RBPJ: variants seen among roughly 807,000 people sequenced by gnomAD.
RBPJ encodes recombination signal binding protein for immunoglobulin kappa J region.
Under a neutral mutation model 67.8 loss-of-function variants are expected in RBPJ, and 9 were observed. That is an observed-to-expected ratio of 0.13 (90% confidence interval 0.08 to 0.23). RBPJ has a LOEUF of 0.23. Among genes scored for constraint, RBPJ ranks in the 10% least tolerant of loss-of-function variants. The pLI, the probability that RBPJ is intolerant of heterozygous loss-of-function variation, is 1.00. For missense variants in RBPJ, 305 were observed against 595.6 expected (o/e 0.51, Z 5.08); for synonymous variants, 198 against 203.3 (o/e 0.97, Z 0.22).
chr4:26,296,474 A>G lies in RBPJ; in HGVS notation c.-166-65972A>G, dbSNP rs143042093. 3.3e-4 allele frequency among the ~76,000 whole-genome samples: 50 copies of G among 152,338 alleles called. No homozygotes were observed. The East Asian group carries it at 9.6e-3, about 29-fold the overall frequency. ...AGGTTCAATGTCAATCAAATGGTTTAGCAAAGAAGGACAATACTTAGGGCA... is the reference window on the plus strand; with the variant it reads ...AGGTTCAATGTCAATCAAATGGTTTGGCAAAGAAGGACAATACTTAGGGCA... On this transcript the variant is annotated intron_variant, in intron 1 of 4. Transcript: ENST00000512351.
chr4:26,183,840 T>A (rs10028193), intron 1 of RBPJ, among the ~76,000 whole-genome samples: 3 of 151,810 alleles, frequency 2.0e-5, no homozygotes, highest in Admixed American at 6.6e-5. Flanking sequence ...GTGAAATCCC[T>A]TTTCTACTAA....
At chr4:26,132,618 C>A in the RBPJ span, among the ~76,000 whole-genome samples, 2 of 152,170 alleles carry the variant, frequency 1.3e-5, no homozygotes, top group Non-Finnish European at 1.5e-5. Flanking sequence ...GACTCATATA[C>A]CCTTTTCTTC....
intron 3 of RBPJ, among the ~76,000 whole-genome samples, chr4:26,409,847 C>A (rs975178503): frequency 2.6e-5 from 4 of 152,030 alleles, no homozygotes; most frequent in African/African-American, 9.7e-5. Context: ...TGGTCTAAAA[C>A]CCCAGTCAAA....
upstream of RBPJ, among the ~76,000 whole-genome samples, chr4:26,320,398 G>A (rs748593403): frequency 6.6e-6 from 1 of 152,168 alleles, no homozygotes; most frequent in African/African-American, 2.4e-5. Flanking sequence ...ATGGGGGGGT[G>A]TAATGAATGA....
chr4:26,327,479 A>G (rs1380344633), intron 1 of RBPJ, among the ~76,000 whole-genome samples: 3 of 152,004 alleles, frequency 2.0e-5, no homozygotes, highest in Non-Finnish European at 4.4e-5. Flanking sequence ...AAAGCCTTGC[A>G]ATGAAAACTG....
chr4:26,183,398 G>A (rs1717090932), intron 1 of RBPJ, among the ~76,000 whole-genome samples: 1 of 152,212 alleles, frequency 6.6e-6, no homozygotes, highest in Admixed American at 6.5e-5. Context: ...GGAAGAGTCA[G>A]AGCACACGTT....
chr4:26,350,241 A>G (rs1187380273), intron 1 of RBPJ, among the ~76,000 whole-genome samples: 3 of 152,226 alleles, frequency 2.0e-5, no homozygotes, highest in African/African-American at 4.8e-5. Flanking sequence ...TACCAACTTT[A>G]TGGCAAATTT....
intron 1 of RBPJ, among the ~76,000 whole-genome samples, chr4:26,274,741 G>A (rs1461017452): frequency 6.6e-6 from 1 of 152,158 alleles, no homozygotes; most frequent in Non-Finnish European, 1.5e-5. Flanking sequence ...TTCAAGACCA[G>A]CCTGCTCAAC....
chr4:26,151,580 G>A, the RBPJ span, among the ~76,000 whole-genome samples: 141,551 of 152,264 alleles, frequency 0.93, 66,677 homozygotes, highest in East Asian at 1. Context: ...GAGAGTCACT[G>A]TCCCCACCAC....
chr4:26,310,167 C>G (rs1722383164), intron 1 of RBPJ, among the ~76,000 whole-genome samples: 1 of 152,164 alleles, frequency 6.6e-6, no homozygotes, highest in Non-Finnish European at 1.5e-5. Flanking sequence ...CTCAAGTTCT[C>G]CTGAAGCTGT....
chr4:26,152,066 G>A, the RBPJ span, among the ~76,000 whole-genome samples: 3 of 152,284 alleles, frequency 2.0e-5, no homozygotes, highest in South Asian at 2.1e-4. Flanking sequence ...AAGTGCCTAC[G>A]TTGTGCCAGA....
chr4:26,337,749 C>T (rs552387221), intron 1 of RBPJ, among the ~76,000 whole-genome samples: 49 of 141,266 alleles, frequency 3.5e-4, no homozygotes, highest in African/African-American at 1.2e-3. Context: ...TGCAGTGCTA[C>T]AGTCATAGCT....
At chr4:26,329,239 C>T (rs1444804124) in intron 1 of RBPJ, among the ~76,000 whole-genome samples, 2 of 152,122 alleles carry the variant, frequency 1.3e-5, no homozygotes, top group African/African-American at 4.8e-5. Flanking sequence ...GTGATCCACC[C>T]GCCTCAGACT....
At chr4:26,423,758 A>T in intron 5 of RBPJ, among the ~76,000 whole-genome samples, 1 of 152,222 alleles carries the variant, frequency 6.6e-6, no homozygotes, top group Non-Finnish European at 1.5e-5. Flanking sequence ...GAAATTTCAT[A>T]CAATACTTTA....
the RBPJ span, among the ~76,000 whole-genome samples, chr4:26,138,806 C>G: frequency 2.1e-4 from 32 of 152,194 alleles, no homozygotes; most frequent in Non-Finnish European, 1.9e-4. Flanking sequence ...AGGAATGAGG[C>G]CTGAGGGCCA....
chr4:26,140,986 A>G, the RBPJ span, among the ~76,000 whole-genome samples: 3 of 152,182 alleles, frequency 2.0e-5, no homozygotes, highest in Non-Finnish European at 4.4e-5. Context: ...TCCAAGAATG[A>G]GAGCCAGGCA....
At chr4:26,321,452 C>G (rs1433681420) in intron 1 of RBPJ, 1 of 151,954 alleles carries the variant, frequency 6.6e-6, no homozygotes, top group Admixed American at 6.6e-5. Flanking sequence ...TGTCTTTCAC[C>G]GCTACCCGCT....
At chr4:26,144,317 C>G in the RBPJ span, among the ~76,000 whole-genome samples, 135 of 119,852 alleles carry the variant, frequency 1.1e-3, 1 homozygote, top group African/African-American at 4.2e-3. Flanking sequence ...GTCGCCTGGG[C>G]TGGAGTGCAG....
At chr4:26,268,521 A>C (rs957881205) in intron 1 of RBPJ, among the ~76,000 whole-genome samples, 1 of 152,194 alleles carries the variant, frequency 6.6e-6, no homozygotes, top group African/African-American at 2.4e-5. Context: ...AGTACAGTGA[A>C]ATGAAATGTG....
Sources: gnomAD v4.1 joint callset for allele counts (sites outside exome capture counted in the v4.1 genomes callset) on GRCh38, gnomAD v4.1.1 for gene constraint, MANE v1.5 for transcripts, NCBI Gene and HGNC (gene_info 2026-07-23, HGNC 2026-07-21) for gene names.